SOX6: variants seen among roughly 807,000 people sequenced by gnomAD.
SOX6 encodes transcription factor SOX-6.
In SOX6, 11 loss-of-function variants were observed where a neutral mutation model predicts 97.8. The ratio of observed to expected loss-of-function variants is 0.11; its 90% confidence interval spans 0.07 to 0.19. SOX6 has a LOEUF of 0.19. Ranked by LOEUF, SOX6 falls within the 10% of genes least tolerant of loss-of-function variation. SOX6 has a pLI of 1.00. For missense variants in SOX6, 810 were observed against 1,039.5 expected, an observed-to-expected ratio of 0.78 and a Z score of 3.04; for synonymous variants, 360 against 371.4, an observed-to-expected ratio of 0.97 and a Z score of 0.35.
intron 4 of SOX6, among the ~76,000 whole-genome samples, chr11:16,492,049 C>G (rs749466617): frequency 4.4e-4 from 67 of 152,106 alleles, no homozygotes; most frequent in Admixed American, 2.0e-4. Context: ...AAAAAAGTAG[C>G]TTAAGAATGT....
intron 7 of SOX6, among the ~76,000 whole-genome samples, chr11:16,108,815 C>T (rs1388162622): frequency 1.3e-5 from 2 of 152,126 alleles, no homozygotes; most frequent in African/African-American, 4.8e-5. Flanking sequence ...TGCCCAGAGG[C>T]ACAGGTCAAA....
At chr11:16,271,221 T>A (rs1854251301) in intron 3 of SOX6, among the ~76,000 whole-genome samples, 2 of 151,406 alleles carry the variant, frequency 1.3e-5, no homozygotes, top group East Asian at 3.8e-4. Flanking sequence ...CTGGAATAAT[T>A]CCACTTGAAC....
chr11:16,111,653 T>A, intron 7 of SOX6, 150 bp downstream of exon 7: 1 of 1,063,154 alleles, frequency 9.4e-7, no homozygotes, highest in East Asian at 2.6e-5. Context: ...CAATGCCCAC[T>A]CTTCCCAATT....
intron 4 of SOX6, among the ~76,000 whole-genome samples, chr11:16,217,941 G>T (rs1400962232): frequency 6.6e-6 from 1 of 151,986 alleles, no homozygotes; most frequent in African/African-American, 2.4e-5. Flanking sequence ...CTAAAACATG[G>T]TGAAGTCGCC....
chr11:16,624,868 C>T (rs1423661803), intron 3 of SOX6, among the ~76,000 whole-genome samples: 1 of 152,188 alleles, frequency 6.6e-6, no homozygotes, highest in Non-Finnish European at 1.5e-5. Context: ...TCTCCAGACA[C>T]TAATGACATT....
At chr11:16,698,726 G>T (rs2134040164) in intron 3 of SOX6, among the ~76,000 whole-genome samples, 1 of 152,226 alleles carries the variant, frequency 6.6e-6, no homozygotes, top group Non-Finnish European at 1.5e-5. Flanking sequence ...TTTCAATATT[G>T]TTGTGTTTCA....
chr11:16,349,769 G>T (rs1332279220), intron 1 of SOX6, among the ~76,000 whole-genome samples: 3 of 148,420 alleles, frequency 2.0e-5, no homozygotes, highest in Admixed American at 2.0e-4. Flanking sequence ...GGGAAGGAAG[G>T]GAAAGCAAGC....
intron 4 of SOX6, among the ~76,000 whole-genome samples, chr11:16,202,938 G>T (rs1451811847): frequency 6.6e-6 from 1 of 152,114 alleles, no homozygotes; most frequent in East Asian, 1.9e-4. Context: ...TCTATGACAT[G>T]ACTGGGAAAA....
At chr11:16,097,506 A>T in intron 8 of SOX6, 103 bp downstream of exon 8, 2 of 1,031,398 alleles carry the variant, frequency 1.9e-6, no homozygotes, top group Non-Finnish European at 3.0e-6. Flanking sequence ...GCTATGCTTA[A>T]AAAATTATTT....
intron 3 of SOX6, among the ~76,000 whole-genome samples, chr11:16,675,809 T>C (rs1329452500): frequency 1.3e-5 from 2 of 152,244 alleles, no homozygotes; most frequent in Non-Finnish European, 2.9e-5. Flanking sequence ...AAATTAGCTG[T>C]TAACTTATTG....
intron 3 of SOX6, among the ~76,000 whole-genome samples, chr11:16,668,364 C>T (rs970481542): frequency 1.3e-5 from 2 of 151,546 alleles, no homozygotes; most frequent in African/African-American, 4.9e-5. Flanking sequence ...CACAGGGAGA[C>T]TCCATCAAAA....
chr11:16,518,504 A>G (rs1017786311), intron 4 of SOX6, among the ~76,000 whole-genome samples: 1 of 152,200 alleles, frequency 6.6e-6, no homozygotes, highest in African/African-American at 2.4e-5. Flanking sequence ...ACTAGGCTAT[A>G]AGCTCATTGA....
chr11:16,664,877 C>T (rs905586303), intron 3 of SOX6, among the ~76,000 whole-genome samples: 2 of 151,854 alleles, frequency 1.3e-5, no homozygotes, highest in African/African-American at 4.8e-5. Context: ...TAGGATAGGG[C>T]AGCAGAGAGA....
At chr11:16,115,410 A>G (rs973287292) in intron 6 of SOX6, among the ~76,000 whole-genome samples, 5 of 152,158 alleles carry the variant, frequency 3.3e-5, no homozygotes, top group Non-Finnish European at 5.9e-5. Flanking sequence ...TGTGGATCAC[A>G]GTCATTCACA....
chr11:15,987,262 T>C (rs924991934), intron 14 of SOX6, among the ~76,000 whole-genome samples: 7 of 152,226 alleles, frequency 4.6e-5, no homozygotes, highest in African/African-American at 1.7e-4. Flanking sequence ...AGATTTTTCA[T>C]ACATAAACAA....
chr11:16,177,609 G>A (rs1349305081), intron 6 of SOX6, among the ~76,000 whole-genome samples: 2 of 138,736 alleles, frequency 1.4e-5, no homozygotes, highest in African/African-American at 2.7e-5. Flanking sequence ...CAAAGGCTCT[G>A]AGAATAAGAT....
intron 4 of SOX6, among the ~76,000 whole-genome samples, chr11:16,602,216 G>A (rs1565190684): frequency 1.3e-5 from 2 of 152,020 alleles, no homozygotes; most frequent in South Asian, 4.1e-4. Context: ...TAAACAAAAA[G>A]CTATCTAGTT....
At chr11:16,733,538 T>C (rs1403820863) in intron 2 of SOX6, among the ~76,000 whole-genome samples, 1 of 108,428 alleles carries the variant, frequency 9.2e-6, no homozygotes, top group African/African-American at 3.7e-5. Flanking sequence ...TGAGAACACA[T>C]GGACACAGGG....
At chr11:16,714,585 G>A (rs1848206422) in intron 3 of SOX6, among the ~76,000 whole-genome samples, 2 of 151,538 alleles carry the variant, frequency 1.3e-5, no homozygotes, top group South Asian at 4.2e-4. Flanking sequence ...CCGAATAGCT[G>A]GGACTACAGG....
Sources: gnomAD v4.1 joint callset for allele counts (sites outside exome capture counted in the v4.1 genomes callset) on GRCh38, gnomAD v4.1.1 for gene constraint, MANE v1.5 for transcripts, NCBI Gene and HGNC (gene_info 2026-07-23, HGNC 2026-07-21) for gene names.